Variants in GPHN observed in about 807,000 individuals in gnomAD.
The protein encoded by GPHN is gephyrin.
In GPHN, 17 loss-of-function variants were observed where a neutral mutation model predicts 95.5. The ratio of observed to expected loss-of-function variants is 0.18; its 90% confidence interval spans 0.12 to 0.27. The LOEUF (loss-of-function observed/expected upper bound fraction) is 0.27. Ranked by LOEUF, GPHN falls within the 10% of genes least tolerant of loss-of-function variation. The probability of loss-of-function intolerance (pLI) is 1.00; values close to 1 mark genes in which losing one functional copy is unlikely to be tolerated. For synonymous variants in GPHN, 320 were observed against 322.5 expected (o/e 0.99, Z 0.08); for missense variants, 660 against 978.1 (o/e 0.67, Z 4.34).
At chr14:66,721,820 GC>G (rs977455881) in intron 2 of GPHN, among the ~76,000 whole-genome samples, 2 of 151,764 alleles carry the variant, frequency 1.3e-5, no homozygotes, top group African/African-American at 2.4e-5. Flanking sequence ...GCATGTTAGT[GC>G]CCGCCTGTAA....
At chr14:67,054,145 T>C (rs1482493999) in intron 10 of GPHN, among the ~76,000 whole-genome samples, 1 of 152,144 alleles carries the variant, frequency 6.6e-6, no homozygotes, top group Non-Finnish European at 1.5e-5. Flanking sequence ...TAAAGCATAT[T>C]CAGATAGGAA....
At chr14:66,834,048 T>G (rs1009069750) in intron 4 of GPHN, among the ~76,000 whole-genome samples, 67 of 152,170 alleles carry the variant, frequency 4.4e-4, no homozygotes, top group African/African-American at 1.5e-3. Flanking sequence ...TTTAGACAAC[T>G]CTACTTGTTT....
At chr14:66,893,397 G>A (rs1257645285) in intron 5 of GPHN, among the ~76,000 whole-genome samples, 1 of 152,124 alleles carries the variant, frequency 6.6e-6, no homozygotes, top group East Asian at 1.9e-4. Flanking sequence ...CAAACCCACA[G>A]CCAGTATCAT....
chr14:66,578,547 A>G (rs1229725345), intron 1 of GPHN, among the ~76,000 whole-genome samples: 1 of 151,170 alleles, frequency 6.6e-6, no homozygotes, highest in Non-Finnish European at 1.5e-5. Context: ...AGACAAAGAG[A>G]GGATCCTGAA....
the GPHN span, chr14:67,662,556 T>C: frequency 5.6e-6 from 9 of 1,594,384 alleles, no homozygotes; most frequent in Non-Finnish European, 7.7e-6. Context: ...TAGATAAGTT[T>C]CAAATGCTTA....
rs1334609162 is a variant in GPHN, at chr14:66,583,483, T to C, written c.64+74892T>C. 4.6e-5 allele frequency among the ~76,000 whole-genome samples: 7 copies of C among 152,188 alleles called. 1 individual carries two copies. Among genetic ancestry groups the C allele is most frequent in the Non-Finnish European group, 1.0e-4 (7 of 68,044 alleles). On this transcript the variant is annotated intron_variant, in intron 1 of 22. Transcript: ENST00000478722. ...CCCATGTCTGTGTCCTGAATGGTAA[T>C]GCCTAGGTTTTTTTCTAGGGTTTTT...
chr14:67,039,932 G>A (rs998003557), intron 10 of GPHN, among the ~76,000 whole-genome samples: 1 of 152,090 alleles, frequency 6.6e-6, no homozygotes, highest in Non-Finnish European at 1.5e-5. Context: ...ACTGTACTGT[G>A]TGCATAACAT....
the GPHN span, among the ~76,000 whole-genome samples, chr14:67,609,209 C>G: frequency 6.6e-6 from 1 of 152,162 alleles, no homozygotes; most frequent in Admixed American, 6.5e-5. Flanking sequence ...CAAGAAGAAT[C>G]TGTCAGGCTG....
At chr14:67,154,706 T>C (rs1055074970) in intron 18 of GPHN, among the ~76,000 whole-genome samples, 3 of 152,166 alleles carry the variant, frequency 2.0e-5, no homozygotes, top group African/African-American at 7.2e-5. Flanking sequence ...GCAGTTGCTC[T>C]ATAACCTAAG....
At chr14:67,599,394 G>T in the GPHN span, among the ~76,000 whole-genome samples, 1 of 152,102 alleles carries the variant, frequency 6.6e-6, no homozygotes, top group Admixed American at 6.5e-5. Flanking sequence ...AGAGAAAACA[G>T]GAATGAATCT....
intron 1 of GPHN, among the ~76,000 whole-genome samples, chr14:66,641,672 GAGGT>G (rs1286061304): frequency 6.6e-6 from 1 of 150,842 alleles, no homozygotes; most frequent in East Asian, 1.9e-4. Context: ...AAAAAAGAGA[GAGGT>G]AGAGCACATT....
chr14:67,642,264 A>C, the GPHN span: 1 of 1,614,114 alleles, frequency 6.2e-7, no homozygotes, highest in Admixed American at 1.7e-5. Context: ...CTGATAGTGA[A>C]TCCACGCTCA....
At chr14:67,055,065 G>A (rs559081318) in intron 10 of GPHN, among the ~76,000 whole-genome samples, 1 of 152,276 alleles carries the variant, frequency 6.6e-6, no homozygotes, top group South Asian at 2.1e-4. Context: ...AACGTCAAAA[G>A]CAATTGCAAC....
chr14:66,994,332 C>G (rs1001506426), intron 9 of GPHN, among the ~76,000 whole-genome samples: 1 of 151,996 alleles, frequency 6.6e-6, no homozygotes, highest in South Asian at 2.1e-4. Context: ...CGCCATTGCA[C>G]TCCAGCCTGG....
intron 1 of GPHN, among the ~76,000 whole-genome samples, chr14:66,612,354 C>G (rs1327688740): frequency 6.6e-6 from 1 of 151,770 alleles, no homozygotes; most frequent in Non-Finnish European, 1.5e-5. Flanking sequence ...TAAAGCTCAT[C>G]TCTCCTTCCC....
At chr14:67,582,085 C>A in the GPHN span, 1 of 1,611,440 alleles carries the variant, frequency 6.2e-7, no homozygotes, top group South Asian at 1.1e-5. This position sits in a 1 kb window ranked among gnomAD's most constrained non-coding sequence, Gnocchi z 5.0. Flanking sequence ...CTTTCGCAGT[C>A]AAGTCAAAGG....
the GPHN span, among the ~76,000 whole-genome samples, chr14:67,431,359 T>C: frequency 1.6e-5 from 2 of 126,874 alleles, no homozygotes; most frequent in African/African-American, 6.0e-5. Context: ...GCCACTGCAC[T>C]CCAGCCTGGG....
At chr14:67,123,568 C>T (rs1473581956) in intron 17 of GPHN, among the ~76,000 whole-genome samples, 3 of 152,020 alleles carry the variant, frequency 2.0e-5, no homozygotes, top group East Asian at 1.9e-4. Context: ...CCCAGCTACT[C>T]GGGAGGCTGA....
At chr14:67,264,118 G>A in the GPHN span, among the ~76,000 whole-genome samples, 12 of 152,262 alleles carry the variant, frequency 7.9e-5, 2 homozygotes, top group African/African-American at 1.7e-4. Context: ...AGATGATGTC[G>A]TGGACATGCA....
Sources: gnomAD v4.1 joint callset for allele counts (sites outside exome capture counted in the v4.1 genomes callset) on GRCh38, gnomAD v4.1.1 for gene constraint, Gnocchi (gnomAD v3.1) non-coding constraint, MANE v1.5 for transcripts, NCBI Gene and HGNC (gene_info 2026-07-23, HGNC 2026-07-21) for gene names.